PPP1R21: variants seen among roughly 807,000 people sequenced by gnomAD.
PPP1R21 encodes the protein protein phosphatase 1 regulatory subunit 21, also known as KLRAQ motif containing 1.
In PPP1R21, 85 loss-of-function variants were observed where a neutral mutation model predicts 112.8. The observed-to-expected ratio is 0.75, with a 90% CI of 0.63 to 0.90. The LOEUF (loss-of-function observed/expected upper bound fraction) is 0.90, where lower values mean the gene tolerates loss of function less well. Among genes scored for constraint, PPP1R21 ranks in the 40% least tolerant of loss-of-function variants. PPP1R21 has a pLI of 0.00. For missense variants in PPP1R21, 1,199 were observed against 901.5 expected (o/e 1.33, Z -4.23); for synonymous variants, 381 against 322.3 (o/e 1.18, Z -1.95).
chr2:48,451,291 G>A (rs1191812631), intron 2 of PPP1R21, among the ~76,000 whole-genome samples: 1 of 152,200 alleles, frequency 6.6e-6, no homozygotes, highest in East Asian at 1.9e-4. Flanking sequence ...ATAAAAAAAG[G>A]TATTATGTGA....
At chr2:48,487,811 C>G (rs1201399216) in intron 14 of PPP1R21, among the ~76,000 whole-genome samples, 1 of 151,186 alleles carries the variant, frequency 6.6e-6, no homozygotes, top group African/African-American at 2.4e-5. Context: ...CCTGTTTCAG[C>G]AGAAGTTATA....
At chr2:48,506,131 A>G (rs1407336252) in intron 18 of PPP1R21, among the ~76,000 whole-genome samples, 1 of 152,228 alleles carries the variant, frequency 6.6e-6, no homozygotes, top group Admixed American at 6.5e-5. Context: ...GTCTCATTAT[A>G]TTGCCCATAC....
intron 11 of PPP1R21, among the ~76,000 whole-genome samples, chr2:48,473,323 G>A (rs948258492): frequency 2.0e-5 from 3 of 152,084 alleles, no homozygotes; most frequent in Admixed American, 6.5e-5. Context: ...CGACTCTAGA[G>A]GTTTAACATT....
At chr2:48,441,778 T>C (rs939393951) in intron 1 of PPP1R21, among the ~76,000 whole-genome samples, 1 of 152,224 alleles carries the variant, frequency 6.6e-6, no homozygotes. Context: ...TTTAAGAATA[T>C]TTTAATGAAG....
intron 2 of PPP1R21, among the ~76,000 whole-genome samples, chr2:48,453,122 T>G (rs1286050025): frequency 6.6e-6 from 1 of 152,012 alleles, no homozygotes; most frequent in Non-Finnish European, 1.5e-5. Context: ...CCTGGCTAAT[T>G]TTTGTATTTT....
intron 2 of PPP1R21, among the ~76,000 whole-genome samples, chr2:48,452,486 T>C (rs979615373): frequency 1.3e-5 from 2 of 151,578 alleles, no homozygotes; most frequent in African/African-American, 2.4e-5. Context: ...GGAGCATTAG[T>C]TTATTTTAAG....
At chr2:48,479,643 CT>C (rs1249399794) in intron 12 of PPP1R21, 1 of 597,976 alleles carries the variant, frequency 1.7e-6, no homozygotes, top group Non-Finnish European at 3.2e-6. Flanking sequence ...TTCACAAAGA[CT>C]TTCGTTTTAC....
Position 48,486,764 on chromosome 2 carries a change from T to G in PPP1R21, c.1446+6T>G, listed in dbSNP as rs1320092461. On this transcript the variant is annotated splice_donor_region_variant and intron_variant, in intron 14 of 21. Coordinates refer to ENST00000294952, the MANE Select transcript of PPP1R21 (RefSeq NM_001135629.3). Reference sequence around the variant, plus strand: ...TAACAAATGGAGCAGGAAAGGTAATTCTCTTCTGGCGTATATTGATGTTAA... The same window carrying G: ...TAACAAATGGAGCAGGAAAGGTAATGCTCTTCTGGCGTATATTGATGTTAA... The G allele has an allele frequency of 1.2e-6, 2 of 1,611,396 alleles. No homozygotes were observed. Among genetic ancestry groups the G allele is most frequent in the Non-Finnish European group, 1.7e-6 (2 of 1,179,056 alleles).
At chr2:48,486,187 TAGCCCAGTAAGGACTGTG>T (rs1364186844) in intron 13 of PPP1R21, among the ~76,000 whole-genome samples, 1 of 152,094 alleles carries the variant, frequency 6.6e-6, no homozygotes, top group African/African-American at 2.4e-5. Flanking sequence ...AAACTAGCTA[TAGCCCAGTAAGGACTGTG>T]AGACAGTGTG....
At chr2:48,479,546 G>T (rs1290832618) in intron 12 of PPP1R21, 1 of 481,324 alleles carries the variant, frequency 2.1e-6, no homozygotes. Context: ...GCAGAACTCT[G>T]TGATATTTGG....
chr2:48,473,777 AT>A lies in PPP1R21; in HGVS notation c.1089-902del, dbSNP rs573246583. On this transcript the variant is annotated intron_variant, in intron 11 of 21. Coordinates refer to ENST00000294952, the MANE Select transcript of PPP1R21 (RefSeq NM_001135629.3). ...TTTTTTTTTGCTTGATTACCTCCAC[AT>A]TTTAAAATGAATAGTTAAGACACTA... Among the ~76,000 whole-genome samples the A allele has an allele frequency of 1.5e-4, 23 of 152,096 alleles. 1 individual carries two copies. In the South Asian group the frequency reaches 2.5e-3, roughly 16 times the overall value.
intron 7 of PPP1R21, among the ~76,000 whole-genome samples, chr2:48,464,355 G>A (rs949511287): frequency 6.6e-6 from 1 of 152,136 alleles, no homozygotes; most frequent in African/African-American, 2.4e-5. Flanking sequence ...GTAGAGATGA[G>A]GAGAGATGCA....
At chr2:48,509,219 C>T (rs930401300) in intron 19 of PPP1R21, among the ~76,000 whole-genome samples, 3 of 151,998 alleles carry the variant, frequency 2.0e-5, no homozygotes, top group Admixed American at 6.6e-5. Flanking sequence ...TTGTAAGTAG[C>T]GCATAATCTG....
intron 13 of PPP1R21, among the ~76,000 whole-genome samples, chr2:48,483,195 C>CTTTTTTTTTTTTTTTT (rs755036470): frequency 2.5e-5 from 2 of 80,914 alleles, no homozygotes; most frequent in Non-Finnish European, 4.2e-5. Flanking sequence ...CTTTTTTTTC[C>CTTTTTTTTTTTTTTTT]TTTTTTTTTT....
intron 12 of PPP1R21, among the ~76,000 whole-genome samples, chr2:48,475,802 G>A (rs946745525): frequency 1.1e-4 from 16 of 151,814 alleles, no homozygotes; most frequent in African/African-American, 2.4e-4. Context: ...AGCTGAGATC[G>A]TGCCATTGCG....
chr2:48,486,940 G>A (rs1170206566), intron 14 of PPP1R21, among the ~76,000 whole-genome samples, 182 bp downstream of exon 14: 1 of 152,168 alleles, frequency 6.6e-6, no homozygotes, highest in East Asian at 1.9e-4. Flanking sequence ...TTTTAAGAGA[G>A]GGATCTCTCG....
chr2:48,504,502 G>A (rs905609488), intron 17 of PPP1R21, among the ~76,000 whole-genome samples: 2 of 152,130 alleles, frequency 1.3e-5, no homozygotes, highest in Non-Finnish European at 2.9e-5. Flanking sequence ...TTAGCTGGGC[G>A]TGGTGGCGTG....
At chr2:48,462,069 C>G (rs1668001835) in intron 7 of PPP1R21, among the ~76,000 whole-genome samples, 1 of 152,208 alleles carries the variant, frequency 6.6e-6, no homozygotes, top group South Asian at 2.1e-4. Flanking sequence ...ACTGGATTCA[C>G]TGGATTTGAA....
chr2:48,477,702 T>G (rs1668821287), intron 12 of PPP1R21, among the ~76,000 whole-genome samples: 1 of 151,948 alleles, frequency 6.6e-6, no homozygotes, highest in Non-Finnish European at 1.5e-5. Flanking sequence ...TTTGGTTATT[T>G]GAGGTCCCTT....
Sources: allele counts gnomAD v4.1 joint callset (sites outside exome capture counted in the v4.1 genomes callset), GRCh38; gene constraint gnomAD v4.1.1; transcripts MANE v1.5; gene names NCBI Gene and HGNC (gene_info 2026-07-23, HGNC 2026-07-21).